The following DTNB variants were observed in gnomAD, a reference collection of about 807,000 sequenced individuals.
DTNB encodes DTN-B.
In DTNB, 63 loss-of-function variants were observed where a neutral mutation model predicts 90.7. That is an observed-to-expected ratio of 0.69 (90% CI 0.57 to 0.86). DTNB has a LOEUF of 0.86. Ranked by LOEUF, DTNB falls within the 40% of genes least tolerant of loss-of-function variation. The probability of loss-of-function intolerance (pLI) is 0.00; values close to 1 mark genes in which losing one functional copy is unlikely to be tolerated. For missense variants in DTNB, 744 were observed against 807.1 expected (o/e 0.92, Z 0.95); for synonymous variants, 277 against 286.7 (o/e 0.97, Z 0.34).
chr2:25,387,852 C>T lies in DTNB; in HGVS notation c.1735+350G>A, dbSNP rs1328592664. Among the ~76,000 whole-genome samples, 2 of 152,240 alleles carry T rather than the reference C, an allele frequency of 1.3e-5. No homozygotes were observed. The highest frequency in any genetic ancestry group is 6.5e-5 in the Admixed American group (1 of 15,288). ...GTGCATACTGTGCTTTCAGCACGGT[C>T]CCAGTTACAGTGCCTGTTACAGTCC... is the stretch of plus-strand genomic sequence containing the variant. On this transcript the variant is annotated intron_variant, in intron 17 of 20. Coordinates refer to ENST00000406818, the MANE Select transcript of DTNB (RefSeq NM_021907.5). The surrounding 1 kb of genome is among the most constrained non-coding windows in gnomAD (Gnocchi z 4.5).
chr2:25,662,513 C>G (rs1462464580), intron 1 of DTNB, among the ~76,000 whole-genome samples: 1 of 152,016 alleles, frequency 6.6e-6, no homozygotes, highest in Non-Finnish European at 1.5e-5. Flanking sequence ...AACGAGGTAC[C>G]TGGGGCACAA....
At chr2:25,427,388 C>T (rs1320056822) in intron 15 of DTNB, 147 bp downstream of exon 15, 14 of 635,322 alleles carry the variant, frequency 2.2e-5, no homozygotes, top group South Asian at 5.3e-5. Flanking sequence ...ACTTTTATAC[C>T]CAATTAGGCT....
intron 8 of DTNB, among the ~76,000 whole-genome samples, chr2:25,540,293 A>C (rs566805378): frequency 2.0e-5 from 3 of 152,178 alleles, no homozygotes; most frequent in Non-Finnish European, 4.4e-5. Flanking sequence ...TCATTTCCCC[A>C]TGTATTTAAA....
At chr2:25,548,841 G>A (rs779158008) in intron 8 of DTNB, among the ~76,000 whole-genome samples, 2 of 152,116 alleles carry the variant, frequency 1.3e-5, no homozygotes, top group Non-Finnish European at 2.9e-5. Context: ...GGGCAGAACC[G>A]GGGACATCAC....
At chr2:25,624,425 T>C (rs866263590) in intron 4 of DTNB, among the ~76,000 whole-genome samples, 1 of 152,172 alleles carries the variant, frequency 6.6e-6, no homozygotes, top group African/African-American at 2.4e-5. Context: ...AGGCATTTAG[T>C]AGAAGCTGCT....
chr2:25,638,716 G>A (rs1334234287), intron 3 of DTNB, among the ~76,000 whole-genome samples: 1 of 152,066 alleles, frequency 6.6e-6, no homozygotes, highest in Non-Finnish European at 1.5e-5. Context: ...CTGATAAATT[G>A]TATTAATTTT....
At chr2:25,451,704 G>T in intron 11 of DTNB, 69 bp from the exon 12 acceptor site, 2 of 1,373,044 alleles carry the variant, frequency 1.5e-6, no homozygotes, top group East Asian at 2.7e-5. Context: ...TTCTCAGAAA[G>T]AACAGATGGA....
At chr2:25,419,666 T>A (rs1168951989) in intron 15 of DTNB, 131 bp from the exon 16 acceptor site, 1 of 1,201,058 alleles carries the variant, frequency 8.3e-7, no homozygotes, top group African/African-American at 1.5e-5. Context: ...GGCCCACAGG[T>A]GCTGAGATCA....
At chr2:25,600,250 C>G (rs1425388710) in intron 5 of DTNB, among the ~76,000 whole-genome samples, 1 of 152,244 alleles carries the variant, frequency 6.6e-6, no homozygotes, top group Non-Finnish European at 1.5e-5. Flanking sequence ...AGCCCGACTG[C>G]TGGGAATGAC....
chr2:25,636,633 A>G (rs1459554380), intron 3 of DTNB, among the ~76,000 whole-genome samples: 1 of 152,200 alleles, frequency 6.6e-6, no homozygotes, highest in Non-Finnish European at 1.5e-5. Flanking sequence ...AATATATTTA[A>G]ATCATCACAG....
chr2:25,493,783 A>G (rs1002488973), intron 9 of DTNB, among the ~76,000 whole-genome samples: 2 of 152,216 alleles, frequency 1.3e-5, no homozygotes, highest in African/African-American at 4.8e-5. Context: ...AACAAGTTGA[A>G]GACTGTCCCT....
intron 1 of DTNB, 90 bp downstream of exon 1, chr2:25,673,296 C>G (rs2149101385): frequency 6.6e-6 from 1 of 151,750 alleles, no homozygotes; most frequent in East Asian, 2.0e-4. Flanking sequence ...AGTCCCGGCG[C>G]AGCGCGAGCT....
chr2:25,504,620 TGGAA>T (rs538860948), intron 9 of DTNB, among the ~76,000 whole-genome samples: 44 of 86,830 alleles, frequency 5.1e-4, no homozygotes, highest in Non-Finnish European at 9.4e-4. Flanking sequence ...AAGGAAAAGA[TGGAA>T]GGAAGGAAGG....
chr2:25,417,769 C>T (rs557876993), intron 16 of DTNB, among the ~76,000 whole-genome samples: 1 of 152,262 alleles, frequency 6.6e-6, no homozygotes, highest in East Asian at 1.9e-4. Context: ...GAAGGGAATA[C>T]TTCATAACAA....
At chr2:25,438,111 G>A (rs1234713314) in intron 12 of DTNB, among the ~76,000 whole-genome samples, 1 of 152,142 alleles carries the variant, frequency 6.6e-6, no homozygotes, top group Non-Finnish European at 1.5e-5. Context: ...AGGCCCTGCA[G>A]CTGCTTGGGC....
intron 10 of DTNB, among the ~76,000 whole-genome samples, chr2:25,476,696 C>T (rs1189550760): frequency 6.6e-6 from 1 of 152,146 alleles, no homozygotes; most frequent in African/African-American, 2.4e-5. Flanking sequence ...GACTGAATTG[C>T]TGCAATCTCA....
intron 20 of DTNB, among the ~76,000 whole-genome samples, chr2:25,378,535 T>C (rs879314003): frequency 6.6e-6 from 1 of 151,760 alleles, no homozygotes; most frequent in Non-Finnish European, 1.5e-5. Flanking sequence ...CCCTGACTTC[T>C]TTATTCGAGG....
At chr2:25,621,788 C>T (rs925505478) in intron 4 of DTNB, among the ~76,000 whole-genome samples, 24 of 151,788 alleles carry the variant, frequency 1.6e-4, no homozygotes, top group Non-Finnish European at 2.8e-4. Context: ...TTGTTAGCCA[C>T]ATTTGCAAAC....
chr2:25,647,559 A>G (rs749047503), intron 2 of DTNB, among the ~76,000 whole-genome samples: 23 of 152,186 alleles, frequency 1.5e-4, no homozygotes, highest in Non-Finnish European at 2.6e-4. Flanking sequence ...TTTTTTAACT[A>G]AAACATTTAC....
Sources: gnomAD v4.1 joint callset for allele counts (sites outside exome capture counted in the v4.1 genomes callset) on GRCh38, gnomAD v4.1.1 for gene constraint, Gnocchi (gnomAD v3.1) non-coding constraint, MANE v1.5 for transcripts, NCBI Gene and HGNC (gene_info 2026-07-23, HGNC 2026-07-21) for gene names.